Variants in PRR16 observed in about 807,000 individuals in gnomAD.
PRR16 encodes protein Largen.
Under a neutral mutation model 18.2 loss-of-function variants are expected in PRR16, and 6 were observed. The ratio of observed to expected loss-of-function variants is 0.33; its 90% confidence interval spans 0.18 to 0.65. PRR16 has a LOEUF of 0.65. Among genes scored for constraint, PRR16 ranks in the 30% least tolerant of loss-of-function variants. PRR16 has a pLI of 0.74. For synonymous variants in PRR16, 151 were observed against 147.8 expected, an observed-to-expected ratio of 1.02 and a Z score of -0.16; for missense variants, 412 against 376.6, an observed-to-expected ratio of 1.09 and a Z score of -0.78.
chr5:120,480,043 G>T (rs9327143), intron 1 of PRR16, among the ~76,000 whole-genome samples: 2,195 of 152,178 alleles, frequency 0.014, 63 homozygotes, highest in African/African-American at 0.05. Flanking sequence ...TTTTTCGGGA[G>T]ATTTATATTC....
At chr5:120,569,355 G>A (rs553539916) in intron 1 of PRR16, among the ~76,000 whole-genome samples, 2 of 152,268 alleles carry the variant, frequency 1.3e-5, no homozygotes, top group Non-Finnish European at 2.9e-5. Flanking sequence ...CAAAGGTTAA[G>A]GCATGTGCAT....
At chr5:120,650,206 A>T (rs1022618826) in intron 1 of PRR16, among the ~76,000 whole-genome samples, 1 of 150,330 alleles carries the variant, frequency 6.7e-6, no homozygotes, top group African/African-American at 2.4e-5. Context: ...ACAGAACAAG[A>T]CTCCTTCTAA....
the PRR16 span, among the ~76,000 whole-genome samples, chr5:120,750,577 G>T: frequency 6.6e-6 from 1 of 152,104 alleles, no homozygotes; most frequent in South Asian, 2.1e-4. Context: ...TGAGGCAGGA[G>T]AATCGCTTGG....
the PRR16 span, among the ~76,000 whole-genome samples, chr5:120,750,666 C>G: frequency 6.9e-6 from 1 of 144,370 alleles, no homozygotes; most frequent in African/African-American, 2.5e-5. Context: ...GACTCCATCT[C>G]AAAAAAAAAA....
intron 1 of PRR16, among the ~76,000 whole-genome samples, chr5:120,671,184 A>AT (rs1756590427): frequency 6.6e-6 from 1 of 152,100 alleles, no homozygotes; most frequent in Non-Finnish European, 1.5e-5. Flanking sequence ...CTCTCATTTA[A>AT]TTTTTCAAAT....
At chr5:120,705,675 A>G in the PRR16 span, among the ~76,000 whole-genome samples, 1 of 152,078 alleles carries the variant, frequency 6.6e-6, no homozygotes, top group African/African-American at 2.4e-5. Context: ...ATAAGTTAAT[A>G]ACAACAACAT....
At chr5:120,634,884 A>T (rs1031556982) in intron 1 of PRR16, among the ~76,000 whole-genome samples, 1 of 152,176 alleles carries the variant, frequency 6.6e-6, no homozygotes, top group African/African-American at 2.4e-5. Flanking sequence ...TCACCAAGAA[A>T]AGAAGAGAGA....
At chr5:120,700,969 G>C in the PRR16 span, among the ~76,000 whole-genome samples, 2 of 152,208 alleles carry the variant, frequency 1.3e-5, no homozygotes, top group African/African-American at 4.8e-5. Context: ...TTTCAGTGGG[G>C]TCTCACACAG....
At chr5:120,606,384 T>C (rs1691029355) in intron 1 of PRR16, among the ~76,000 whole-genome samples, 1 of 151,084 alleles carries the variant, frequency 6.6e-6, no homozygotes, top group Non-Finnish European at 1.5e-5. Flanking sequence ...CATTTATATT[T>C]CAAATATGTA....
chr5:120,517,595 A>T (rs964236009), intron 1 of PRR16, among the ~76,000 whole-genome samples: 1 of 152,318 alleles, frequency 6.6e-6, no homozygotes, highest in African/African-American at 2.4e-5. Flanking sequence ...GGGTTTAATA[A>T]ACTAATAATT....
At chr5:120,526,958 G>T (rs1431303427) in intron 1 of PRR16, among the ~76,000 whole-genome samples, 1 of 152,140 alleles carries the variant, frequency 6.6e-6, no homozygotes, top group African/African-American at 2.4e-5. Context: ...CAGCAGATCT[G>T]TAAAACTTAG....
chr5:120,588,465 C>T (rs1753525484), intron 1 of PRR16, among the ~76,000 whole-genome samples: 1 of 152,194 alleles, frequency 6.6e-6, no homozygotes, highest in South Asian at 2.1e-4. Flanking sequence ...CCTGATTATT[C>T]AGCAGCTATT....
At position 120,469,358 on chromosome 5, in the gene PRR16, G is replaced by A. The variant is rs115759699; in HGVS notation, c.159+4713G>A. 9.3e-4 allele frequency among the ~76,000 whole-genome samples: 142 copies of A among 152,310 alleles called. 1 individual carries two copies. The highest frequency in any genetic ancestry group is 3.3e-3 in the African/African-American group (138 of 41,562). ...TTTGTTTGAGACAGTATCTTGCCCT[G>A]TCACTTAGGTTGTAGGGCAGTGTTA... On this transcript the variant is annotated intron_variant, in intron 1 of 1. Transcript: ENST00000407149.
At chr5:120,544,147 A>G (rs554894352) in intron 1 of PRR16, among the ~76,000 whole-genome samples, 24 of 152,250 alleles carry the variant, frequency 1.6e-4, no homozygotes, top group Middle Eastern at 6.8e-3. Flanking sequence ...ACTGAGTGAA[A>G]AAGGAAAACA....
intron 1 of PRR16, among the ~76,000 whole-genome samples, chr5:120,499,573 G>A (rs1211081392): frequency 6.6e-6 from 1 of 151,870 alleles, no homozygotes; most frequent in African/African-American, 2.4e-5. Context: ...TTTGATTTTT[G>A]TATTTTCCAC....
chr5:120,565,318 G>A (rs1752702876), intron 1 of PRR16, among the ~76,000 whole-genome samples: 1 of 152,046 alleles, frequency 6.6e-6, no homozygotes, highest in African/African-American at 2.4e-5. Flanking sequence ...GCATAAAAAA[G>A]AATTAAAAAA....
chr5:120,598,219 T>G (rs948446698), intron 1 of PRR16, among the ~76,000 whole-genome samples: 1 of 151,958 alleles, frequency 6.6e-6, no homozygotes, highest in African/African-American at 2.4e-5. Flanking sequence ...TTTATACATT[T>G]CTTGTTAATT....
intron 1 of PRR16, among the ~76,000 whole-genome samples, chr5:120,573,473 G>A (rs1387464061): frequency 6.6e-6 from 1 of 152,072 alleles, no homozygotes; most frequent in Non-Finnish European, 1.5e-5. Flanking sequence ...GTTTCTGAAG[G>A]CATTTTGCAT....
chr5:120,626,000 A>G (rs1580802333), intron 1 of PRR16, among the ~76,000 whole-genome samples: 1 of 152,100 alleles, frequency 6.6e-6, no homozygotes, highest in East Asian at 1.9e-4. Flanking sequence ...CCACTCCAGA[A>G]TCTGTGCTAT....
Sources: gnomAD v4.1 joint callset for allele counts (sites outside exome capture counted in the v4.1 genomes callset) on GRCh38, gnomAD v4.1.1 for gene constraint, MANE v1.5 for transcripts, NCBI Gene and HGNC (gene_info 2026-07-23, HGNC 2026-07-21) for gene names.